The following SCRN3 variants were observed in gnomAD, a reference collection of about 807,000 sequenced individuals.
SCRN3 encodes secernin 3.
Under a neutral mutation model 43.1 loss-of-function variants are expected in SCRN3, and 39 were observed. The observed-to-expected ratio is 0.91, with a 90% CI of 0.70 to 1.18. The LOEUF (loss-of-function observed/expected upper bound fraction) is 1.18. Ranked by LOEUF, SCRN3 falls within the 50% of genes most tolerant of loss-of-function variation. The pLI, the probability that SCRN3 is intolerant of heterozygous loss-of-function variation, is 0.00. For missense variants in SCRN3, 484 were observed against 498.0 expected, an observed-to-expected ratio of 0.97 and a Z score of 0.27; for synonymous variants, 147 against 163.1, an observed-to-expected ratio of 0.90 and a Z score of 0.75.
rs887461864 is a variant in SCRN3 at position 174,429,470 on chromosome 2, T to G, written c.*1575T>G. The G allele has an allele frequency of 7.9e-5, 12 of 152,200 alleles. No individual in the cohort carries two copies. Among genetic ancestry groups the G allele is most frequent in the Non-Finnish European group, 1.8e-4 (12 of 68,032 alleles). The allele number at this position is 152,200 out of a possible 1,614,324, so 9.4% of individuals were successfully genotyped here. ...AAACTCTTTTTTAAAAGAGACTTTA[T>G]TTTTTGGAGCAGTTTTAGGTTCACA... On this transcript the variant is annotated 3_prime_UTR_variant, in exon 8 of 8. Coordinates refer to ENST00000272732, the MANE Select transcript of SCRN3 (RefSeq NM_024583.5).
chr2:174,396,005 G>T, intron 1 of SCRN3, 188 bp downstream of exon 1: 1 of 1,357,402 alleles, frequency 7.4e-7, no homozygotes, highest in Non-Finnish European at 9.4e-7. Context: ...TGAAGCTCGA[G>T]CCCATTACTT....
rs1686559418 is a variant in SCRN3, at chr2:174,428,285, G to A, written c.*390G>A. 6.5e-6 allele frequency: 1 copy of A among 153,146 alleles called. No individual in the cohort carries two copies. The highest frequency in any genetic ancestry group is 2.4e-5 in the African/African-American group (1 of 41,470). The allele number at this position is 153,146 out of a possible 1,614,324, so 9.5% of individuals were successfully genotyped here. ...CAAATCATTTTGTCAGTTACATCAA[G>A]AAAGCAGATTTTTCTTTAGTCATGA... On this transcript the variant is annotated 3_prime_UTR_variant, in exon 8 of 8. Transcript: ENST00000272732.
At chr2:174,415,189 C>T (rs1187608395) in intron 5 of SCRN3, among the ~76,000 whole-genome samples, 1 of 152,148 alleles carries the variant, frequency 6.6e-6, no homozygotes, top group African/African-American at 2.4e-5. Context: ...AGAAAAGTTA[C>T]ATAAATTTAA....
intron 1 of SCRN3, among the ~76,000 whole-genome samples, chr2:174,397,618 G>A (rs1449119542): frequency 3.3e-5 from 5 of 152,062 alleles, no homozygotes; most frequent in Admixed American, 3.3e-4. Context: ...TACTGGGCAC[G>A]TAAGATTTTT....
intron 6 of SCRN3, 130 bp downstream of exon 6, chr2:174,423,177 T>G: frequency 1.5e-6 from 1 of 651,736 alleles, no homozygotes; most frequent in African/African-American, 1.8e-5. Context: ...ATATTTTCTG[T>G]TCAGGCTTTA....
intron 5 of SCRN3, among the ~76,000 whole-genome samples, chr2:174,422,548 T>C (rs1392672080): frequency 6.8e-6 from 1 of 147,530 alleles, no homozygotes; most frequent in Non-Finnish European, 1.5e-5. Flanking sequence ...CACTCTAGCC[T>C]GACAGAACAA....
At chr2:174,424,819 A>G (rs915968797) in intron 7 of SCRN3, among the ~76,000 whole-genome samples, 170 bp downstream of exon 7, 3 of 152,224 alleles carry the variant, frequency 2.0e-5, no homozygotes, top group African/African-American at 7.2e-5. Context: ...TTGGTTATGA[A>G]TACATGTATG....
intron 5 of SCRN3, among the ~76,000 whole-genome samples, chr2:174,411,350 TG>T (rs35731291): frequency 0.19 from 29,611 of 152,092 alleles, 3,369 homozygotes; most frequent in Middle Eastern, 0.37. Context: ...TGAATCTACA[TG>T]TATTTGCCAC....
intron 5 of SCRN3, among the ~76,000 whole-genome samples, chr2:174,414,799 T>C (rs892599599): frequency 3.3e-5 from 5 of 149,610 alleles, no homozygotes; most frequent in Admixed American, 6.7e-5. Context: ...AGTCTTGCTG[T>C]GTCCCCCAGG....
At chr2:174,424,447 ATAATT>A (rs1310282307) in intron 6 of SCRN3, 23 bp from the exon 7 acceptor site, 1 of 1,455,798 alleles carries the variant, frequency 6.9e-7, no homozygotes, top group South Asian at 1.2e-5. Flanking sequence ...TATTGACATG[ATAATT>A]TAATAAAGAC....
chr2:174,409,093 C>T (rs1316563881), intron 5 of SCRN3, among the ~76,000 whole-genome samples: 1 of 112,908 alleles, frequency 8.9e-6, no homozygotes, highest in Non-Finnish European at 1.9e-5. Flanking sequence ...CTTTCAGGTA[C>T]ACCAATCAGA....
At chr2:174,421,943 T>C (rs1686307487) in intron 5 of SCRN3, among the ~76,000 whole-genome samples, 1 of 152,020 alleles carries the variant, frequency 6.6e-6, no homozygotes, top group Non-Finnish European at 1.5e-5. Context: ...GAGAAAGTAA[T>C]AAGATTTTTT....
chr2:174,422,042 A>G (rs1232426445), intron 5 of SCRN3, among the ~76,000 whole-genome samples: 1 of 152,182 alleles, frequency 6.6e-6, no homozygotes, highest in African/African-American at 2.4e-5. Context: ...GAGACAAAGA[A>G]TAGATGGAAT....
chr2:174,413,586 CTTTTTTT>C (rs10524979), intron 5 of SCRN3, among the ~76,000 whole-genome samples: 1 of 90,226 alleles, frequency 1.1e-5, no homozygotes, highest in African/African-American at 3.7e-5. Flanking sequence ...TTTGTCTTTC[CTTTTTTT>C]TTTTTTTTTT....
In SCRN3 at chr2:174,424,629, G is replaced by C. The variant is rs1473610613; in HGVS notation, c.1072G>C (p.Glu358Gln). 1 of 1,611,534 alleles carries C rather than the reference G, an allele frequency of 6.2e-7. No individual in the cohort carries two copies. Among genetic ancestry groups the C allele is most frequent in the African/African-American group, 1.3e-5 (1 of 74,838 alleles). Residue 358 changes from glutamate (E) to glutamine (Q), a missense_variant, in exon 7 of 8, where the codon GAA becomes CAA. Coordinates refer to ENST00000272732, the MANE Select transcript of SCRN3 (RefSeq NM_024583.5). ...PLYQKHQQAL[E>Q]VVNNNEEKAK... ...CTACCAAAAACATCAACAGGCATTG[G>C]AAGTAGTAAATAATAATGAGGTATG...
chr2:174,397,161 A>G, intron 1 of SCRN3: 5 of 977,838 alleles, frequency 5.1e-6, no homozygotes, highest in Non-Finnish European at 6.1e-6. Context: ...AACCCTTAAG[A>G]GTTTCAGTCT....
chr2:174,420,962 C>G (rs541116039), intron 5 of SCRN3, among the ~76,000 whole-genome samples: 12 of 152,212 alleles, frequency 7.9e-5, no homozygotes, highest in African/African-American at 2.9e-4. Context: ...AAGCAACAGC[C>G]TCAAGAAGCT....
At chr2:174,411,716 G>GT (rs1685923422) in intron 5 of SCRN3, among the ~76,000 whole-genome samples, 1 of 152,144 alleles carries the variant, frequency 6.6e-6, no homozygotes, top group African/African-American at 2.4e-5. Flanking sequence ...GAGGTCAGGA[G>GT]TTCGAGACCA....
intron 5 of SCRN3, among the ~76,000 whole-genome samples, chr2:174,409,872 C>A: frequency 7.1e-6 from 1 of 140,358 alleles, no homozygotes; most frequent in Non-Finnish European, 1.6e-5. Context: ...AGCTGTCAGA[C>A]AGGGACATTT....
Sources: gnomAD v4.1 joint callset for allele counts (sites outside exome capture counted in the v4.1 genomes callset) on GRCh38, gnomAD v4.1.1 for gene constraint, MANE v1.5 for transcripts, NCBI Gene and HGNC (gene_info 2026-07-23, HGNC 2026-07-21) for gene names.